The following PTPRT variants were observed in gnomAD, a reference collection of about 807,000 sequenced individuals.
PTPRT encodes the protein receptor-type tyrosine-protein phosphatase T.
Under a neutral mutation model 176.8 loss-of-function variants are expected in PTPRT, and 56 were observed. The ratio of observed to expected loss-of-function variants is 0.32; its 90% CI spans 0.26 to 0.40. The LOEUF is 0.40. PTPRT is among the 10% of genes least tolerant of loss of function. PTPRT has a pLI of 1.00. For missense variants in PTPRT, 1,540 were observed against 1,908.2 expected (o/e 0.81, Z 3.60); for synonymous variants, 783 against 739.0 (o/e 1.06, Z -0.96).
At chr20:42,873,751 G>A (rs931420300) in intron 2 of PTPRT, among the ~76,000 whole-genome samples, 16 of 152,080 alleles carry the variant, frequency 1.1e-4, no homozygotes, top group South Asian at 2.1e-4. Flanking sequence ...CCAGTACTCC[G>A]TAGCCATGTG....
intron 9 of PTPRT, among the ~76,000 whole-genome samples, chr20:42,355,804 T>C (rs903842590): frequency 6.6e-6 from 1 of 152,142 alleles, no homozygotes; most frequent in Non-Finnish European, 1.5e-5. Context: ...ATACAGACAC[T>C]GGGAGGTAAA....
intron 1 of PTPRT, among the ~76,000 whole-genome samples, chr20:43,029,228 C>T (rs1986039039): frequency 6.6e-6 from 1 of 152,206 alleles, no homozygotes; most frequent in Non-Finnish European, 1.5e-5. Flanking sequence ...CACTGTCTGG[C>T]CCTGACAGCT....
chr20:42,215,939 C>T lies in PTPRT; in HGVS notation c.2343-16551G>A, dbSNP rs553960927. 1.8e-4 allele frequency among the ~76,000 whole-genome samples: 27 copies of T among 152,304 alleles called. No homozygotes were observed. In the South Asian group the frequency reaches 5.2e-3, roughly 29 times the overall value. ...AACTCTGTCTCCTGAAGGCCTCACC[C>T]TTTAGATGCTCCTCCTCGGTCTGTC... On this transcript the variant is annotated intron_variant, in intron 15 of 30. Coordinates refer to ENST00000373187, the MANE Select transcript of PTPRT (RefSeq NM_007050.6).
intron 5 of PTPRT, among the ~76,000 whole-genome samples, chr20:42,759,244 A>G (rs1409800177): frequency 1.3e-5 from 2 of 152,242 alleles, no homozygotes; most frequent in Non-Finnish European, 2.9e-5. Context: ...AACATCATAA[A>G]CACTTTTATT....
chr20:42,263,371 C>CGTT, intron 13 of PTPRT, among the ~76,000 whole-genome samples: 1 of 50,974 alleles, frequency 2.0e-5, no homozygotes, highest in East Asian at 4.4e-4. Flanking sequence ...CCATGCCTGG[C>CGTT]TTTTTTTTTT....
chr20:42,693,834 T>C (rs1170923447), intron 6 of PTPRT, among the ~76,000 whole-genome samples: 1 of 152,028 alleles, frequency 6.6e-6, no homozygotes, highest in Non-Finnish European at 1.5e-5. Context: ...CCACAAGGGT[T>C]TCTCACGCTA....
chr20:43,090,248 C>T (rs2011769068), intron 1 of PTPRT, among the ~76,000 whole-genome samples: 1 of 151,804 alleles, frequency 6.6e-6, no homozygotes, highest in Non-Finnish European at 1.5e-5. Context: ...ATTTTATACA[C>T]ATAGAACAAG....
At chr20:42,497,121 C>T (rs1438346088) in intron 7 of PTPRT, among the ~76,000 whole-genome samples, 2 of 152,182 alleles carry the variant, frequency 1.3e-5, no homozygotes, top group Admixed American at 6.5e-5. Flanking sequence ...AATCAGAAGT[C>T]TAGCAGCTGG....
chr20:42,431,902 G>A (rs527370452), intron 9 of PTPRT, among the ~76,000 whole-genome samples: 40 of 152,144 alleles, frequency 2.6e-4, no homozygotes, highest in Non-Finnish European at 4.4e-4. Flanking sequence ...TATCCAAGTG[G>A]TAACACAGGT....
chr20:42,893,852 G>T (rs1258222523), intron 1 of PTPRT, among the ~76,000 whole-genome samples: 8 of 151,550 alleles, frequency 5.3e-5, no homozygotes, highest in Admixed American at 1.3e-4. Context: ...CACACTCTGG[G>T]GACTGTTGTG....
intron 8 of PTPRT, among the ~76,000 whole-genome samples, chr20:42,471,077 G>T (rs994158701): frequency 6.6e-6 from 1 of 152,156 alleles, no homozygotes; most frequent in Non-Finnish European, 1.5e-5. Context: ...CCTTGAGCTT[G>T]AGATGACTGT....
At chr20:42,738,783 C>A (rs2146286784) in intron 6 of PTPRT, among the ~76,000 whole-genome samples, 1 of 152,166 alleles carries the variant, frequency 6.6e-6, no homozygotes, top group East Asian at 1.9e-4. Flanking sequence ...AACAAAGTGG[C>A]AAATGGGGCT....
Position 42,436,416 on chromosome 20 carries a change from A to G in PTPRT, c.1560+11804T>C, listed in dbSNP as rs190256940. Among the ~76,000 whole-genome samples, 350 of 152,366 alleles carry G rather than the reference A, an allele frequency of 2.3e-3. 5 individuals are homozygous for G. Among genetic ancestry groups the G allele is most frequent in the Admixed American group, 0.02 (305 of 15,302 alleles). On this transcript the variant is annotated intron_variant, in intron 9 of 30. Transcript: ENST00000373187. ...AAAAGTAGGCAAAAGACATGAACAG[A>G]TATCCCACAGAAAATGAAATACAAT... is the stretch of plus-strand genomic sequence containing the variant.
At chr20:42,498,427 G>A (rs2071692379) in intron 7 of PTPRT, among the ~76,000 whole-genome samples, 1 of 152,084 alleles carries the variant, frequency 6.6e-6, no homozygotes, top group Non-Finnish European at 1.5e-5. Context: ...GTAGCAATAA[G>A]ACACCAAATT....
Position 42,635,349 on chromosome 20 carries a change from C to T in PTPRT, c.1153+42517G>A, listed in dbSNP as rs376327773. Among the ~76,000 whole-genome samples the T allele has an allele frequency of 8.4e-4, 127 of 151,898 alleles. 1 individual carries two copies. The highest frequency in any genetic ancestry group is 3.0e-3 in the African/African-American group (123 of 41,398). ...ATCAAGAAATATTTTAAATTCCATG[C>T]AATGGTTAATTATATTCCTGAAATC... On this transcript the variant is annotated intron_variant, in intron 7 of 30. Transcript: ENST00000373187.
chr20:42,089,756 G>T (rs1126102), intron 27 of PTPRT, among the ~76,000 whole-genome samples: 22 of 152,052 alleles, frequency 1.4e-4, no homozygotes, highest in Admixed American at 6.5e-4. Context: ...TGAGCTGCCA[G>T]GGATCATCAG....
At chr20:42,763,882 G>A (rs1002149785) in intron 5 of PTPRT, among the ~76,000 whole-genome samples, 2 of 152,178 alleles carry the variant, frequency 1.3e-5, no homozygotes, top group African/African-American at 2.4e-5. Context: ...CTCCTGCAAA[G>A]AGTCAGGAGG....
At chr20:43,088,219 T>C (rs568066640) in intron 1 of PTPRT, among the ~76,000 whole-genome samples, 9 of 152,130 alleles carry the variant, frequency 5.9e-5, no homozygotes, top group Non-Finnish European at 1.2e-4. Context: ...ATCTGATCAG[T>C]AGTCAACATG....
chr20:43,156,065 T>A (rs546814036), intron 1 of PTPRT, among the ~76,000 whole-genome samples: 1 of 152,174 alleles, frequency 6.6e-6, no homozygotes, highest in East Asian at 1.9e-4. Flanking sequence ...CCAAGCAACA[T>A]TGAACTTCCC....
Sources: allele counts gnomAD v4.1 joint callset (sites outside exome capture counted in the v4.1 genomes callset), GRCh38; gene constraint gnomAD v4.1.1; transcripts MANE v1.5; gene names NCBI Gene and HGNC (gene_info 2026-07-23, HGNC 2026-07-21).